The following PARVB variants were observed in gnomAD, a reference collection of about 807,000 sequenced individuals.
PARVB encodes beta-parvin.
In PARVB, 46 loss-of-function variants were observed where a neutral mutation model predicts 47.0. The observed-to-expected ratio is 0.98, with a 90% CI of 0.77 to 1.25. PARVB has a LOEUF of 1.25. Ranked by LOEUF, PARVB falls within the 50% of genes most tolerant of loss-of-function variation. PARVB has a pLI of 0.00. For synonymous variants in PARVB, 196 were observed against 196.3 expected, an observed-to-expected ratio of 1.00 and a Z score of 0.01; for missense variants, 473 against 471.6, an observed-to-expected ratio of 1.00 and a Z score of -0.03.
In PARVB at chr22:44,093,941, G is replaced by A. The variant is rs1290390175; in HGVS notation, c.126G>A (p.Gln42=). The change falls in exon 2 of 13, where the codon CAG becomes CAA. Residue 42 remains glutamine (Q), a synonymous_variant. Transcript: ENST00000338758. ...KRRAREVSDL[Q]EEGKNAINSP... is the part of the protein sequence containing the mutation. ...TTTGCTCAACAGTGAGTGACCTGCA[G>A]GAAGAAGGCAAGAATGCCATCAACT... 1 of 1,613,252 alleles carries A rather than the reference G, an allele frequency of 6.2e-7. No individual in the cohort carries two copies. The highest frequency in any genetic ancestry group is 8.5e-7 in the Non-Finnish European group (1 of 1,179,366).
At chr22:44,134,508 T>G (rs1026285521) in intron 6 of PARVB, among the ~76,000 whole-genome samples, 1 of 152,208 alleles carries the variant, frequency 6.6e-6, no homozygotes, top group Non-Finnish European at 1.5e-5. Flanking sequence ...TTGCAGAAAG[T>G]TTGAACCAGG....
chr22:44,031,191 C>T (rs369623047), intron 1 of PARVB, among the ~76,000 whole-genome samples: 2 of 152,214 alleles, frequency 1.3e-5, no homozygotes, highest in African/African-American at 2.4e-5. Flanking sequence ...GTCACTGCGA[C>T]GCTGCCCAGC....
rs369631029 is a variant in PARVB, at chr22:44,039,549, AG to A, written c.112+15099del. 2.4e-3 allele frequency among the ~76,000 whole-genome samples: 362 copies of A among 149,432 alleles called. 2 individuals carry two copies. Among genetic ancestry groups the A allele is most frequent in the East Asian group, 0.013 (67 of 5,086 alleles). On this transcript the variant is annotated intron_variant, in intron 1 of 12. Transcript: ENST00000338758. ...CAGAGTGATACTCTGTCAAAAAGAA[AG>A]AAAAAAAAAAAGTAGGAATCTGTAA... is the stretch of plus-strand genomic sequence containing the variant.
chr22:44,008,087 G>T (rs2050484620), intron 2 of PARVB, among the ~76,000 whole-genome samples: 2 of 151,714 alleles, frequency 1.3e-5, no homozygotes, highest in African/African-American at 4.8e-5. Flanking sequence ...TTAGAGACAG[G>T]TTTTTTTTGT....
intron 1 of PARVB, among the ~76,000 whole-genome samples, chr22:44,093,453 A>G (rs896696696): frequency 2.0e-5 from 3 of 152,208 alleles, no homozygotes; most frequent in East Asian, 1.9e-4. Context: ...GGCCATCACC[A>G]GTGACCCCAC....
At chr22:44,022,520 C>T (rs117826218), upstream of PARVB, among the ~76,000 whole-genome samples, 310 of 152,180 alleles carry the variant, frequency 2.0e-3, 13 homozygotes, top group East Asian at 0.047. Context: ...GGTCTTCACG[C>T]CCCTGGCTGA....
chr22:44,008,093 TTTGTTG>T (rs759140015), intron 2 of PARVB, among the ~76,000 whole-genome samples: 1 of 152,104 alleles, frequency 6.6e-6, no homozygotes, highest in Non-Finnish European at 1.5e-5. Flanking sequence ...ACAGGTTTTT[TTTGTTG>T]TTGTTGTTGT....
chr22:44,061,613 G>A (rs2051421675), intron 1 of PARVB, among the ~76,000 whole-genome samples: 1 of 151,880 alleles, frequency 6.6e-6, no homozygotes, highest in African/African-American at 2.4e-5. Flanking sequence ...GACACATCCG[G>A]CAACTCAGAT....
chr22:44,150,619 T>C (rs5764563), intron 9 of PARVB: 59,557 of 151,852 alleles, frequency 0.39, 12,541 homozygotes, highest in East Asian at 0.79. Context: ...TGCAGTGAGC[T>C]GGGATCATGC....
At chr22:44,087,967 T>G (rs112491949) in intron 1 of PARVB, among the ~76,000 whole-genome samples, 2,683 of 149,850 alleles carry the variant, frequency 0.018, 99 homozygotes, top group African/African-American at 0.063. Flanking sequence ...TCCCGAGGGG[T>G]GGCTGCATGC....
chr22:44,052,832 A>G (rs903613276), intron 1 of PARVB, among the ~76,000 whole-genome samples: 1 of 152,140 alleles, frequency 6.6e-6, no homozygotes, highest in Non-Finnish European at 1.5e-5. Flanking sequence ...AGTCTCAGCT[A>G]CTTGGGAGGC....
In PARVB at chr22:44,024,466, G is replaced by T; in HGVS notation, c.112+15G>T. The T allele has an allele frequency of 8.8e-7, 1 of 1,141,662 alleles. No individual in the cohort carries two copies. The allele number at this position is 1,141,662 out of a possible 1,614,324, so 70.7% of individuals were successfully genotyped here. A position where few individuals can be genotyped will look rare whatever the true frequency, so the allele number is the denominator to read the frequency against. ...GGCGCGCGAGGGTGAGTGCGCGCCC[G>T]CGCCCGCCGACCCCCGGGGACCTGC... On this transcript the variant is annotated intron_variant, in intron 1 of 12. Coordinates refer to ENST00000338758, the MANE Select transcript of PARVB (RefSeq NM_013327.5).
At chr22:44,046,730 T>C (rs1803442072) in intron 1 of PARVB, among the ~76,000 whole-genome samples, 1 of 152,252 alleles carries the variant, frequency 6.6e-6, no homozygotes, top group African/African-American at 2.4e-5. Context: ...CAAAAGGTTC[T>C]GGCAGAATCC....
At position 44,093,964 on chromosome 22, in the gene PARVB, A is replaced by G. The variant is rs761272711; in HGVS notation, c.149A>G (p.Asn50Ser). The change falls in exon 2 of 13, where the codon AAC (asparagine) becomes AGC (serine). Residue 50 changes from asparagine (N) to serine (S), a missense_variant. Transcript: ENST00000338758. ...CAGGAAGAAGGCAAGAATGCCATCAACTCACCGATGTCCCCCGCCCTGGTG... is the reference window on the plus strand; with the variant it reads ...CAGGAAGAAGGCAAGAATGCCATCAGCTCACCGATGTCCCCCGCCCTGGTG... ...DLQEEGKNAI[N>S]SPMSPALVDV... 14 of 1,613,844 alleles carry G rather than the reference A, an allele frequency of 8.7e-6. No individual in the cohort carries two copies. Among genetic ancestry groups the G allele is most frequent in the Non-Finnish European group, 1.2e-5 (14 of 1,179,772 alleles).
intron 1 of PARVB, among the ~76,000 whole-genome samples, chr22:44,056,507 G>A (rs145705390): frequency 2.0e-5 from 3 of 152,052 alleles, no homozygotes; most frequent in Non-Finnish European, 2.9e-5. Context: ...ATTTTGTCTC[G>A]TTTTGTTTTT....
chr22:44,024,462 G>A lies in PARVB; in HGVS notation c.112+11G>A. On this transcript the variant is annotated intron_variant, in intron 1 of 12. Coordinates refer to ENST00000338758, the MANE Select transcript of PARVB (RefSeq NM_013327.5). ...GGAGGGCGCGCGAGGGTGAGTGCGC[G>A]CCCGCGCCCGCCGACCCCCGGGGAC... 2 of 1,123,916 alleles carry A rather than the reference G, an allele frequency of 1.8e-6. No homozygotes were observed. Among genetic ancestry groups the A allele is most frequent in the South Asian group, 3.5e-5 (1 of 28,424 alleles). 69.6% of individuals were successfully genotyped at this position (1,123,916 alleles called of 1,614,324 possible).
chr22:44,140,053 C>CTA, intron 7 of PARVB, 71 bp from the exon 8 acceptor site: 1 of 1,590,796 alleles, frequency 6.3e-7, no homozygotes, highest in Non-Finnish European at 8.6e-7. Flanking sequence ...CCCTCATCCT[C>CTA]CATTGTGCTG....
intron 1 of PARVB, among the ~76,000 whole-genome samples, chr22:44,086,485 A>G (rs1011380082): frequency 1.3e-5 from 2 of 152,208 alleles, no homozygotes; most frequent in African/African-American, 4.8e-5. Flanking sequence ...GGGGAGGGCC[A>G]GGCCTCACAT....
chr22:44,033,111 CAG>C (rs1338430420), intron 1 of PARVB, among the ~76,000 whole-genome samples: 1 of 152,164 alleles, frequency 6.6e-6, no homozygotes, highest in Admixed American at 6.5e-5. Flanking sequence ...TTTCTTGAGA[CAG>C]AGTCCTGCTC....
Sources: allele counts gnomAD v4.1 joint callset (sites outside exome capture counted in the v4.1 genomes callset), GRCh38; gene constraint gnomAD v4.1.1; transcripts MANE v1.5; gene names NCBI Gene and HGNC (gene_info 2026-07-23, HGNC 2026-07-21).